Variants in MID1 observed in about 807,000 individuals in gnomAD.
MID1 encodes the protein midline 1.
Under a neutral mutation model 40.4 loss-of-function variants are expected in MID1, and 7 were observed. The ratio of observed to expected loss-of-function variants is 0.17; its 90% CI spans 0.10 to 0.33. The LOEUF (loss-of-function observed/expected upper bound fraction) is 0.33. MID1 is among the 10% of genes least tolerant of loss of function. The probability of loss-of-function intolerance (pLI) is 1.00; values close to 1 mark genes in which losing one functional copy is unlikely to be tolerated. For missense variants in MID1, 367 were observed against 558.5 expected (o/e 0.66, Z 3.46); for synonymous variants, 229 against 221.2 (o/e 1.04, Z -0.31).
At chrX:10,661,974 A>G in intron 1 of MID1, among the ~76,000 whole-genome samples, 1 of 112,242 alleles carries the variant, frequency 8.9e-6, no homozygotes, top group African/African-American at 3.2e-5. Context: ...TGGAGGCATA[A>G]TTGGATCTCA....
At chrX:10,594,475 AT>A (rs1935374401) in intron 1 of MID1, among the ~76,000 whole-genome samples, 1 of 111,628 alleles carries the variant, frequency 9.0e-6, no homozygotes, top group Admixed American at 9.5e-5. Context: ...CCAAACTGGT[AT>A]ACTCAAAATC....
intron 1 of MID1, among the ~76,000 whole-genome samples, chrX:10,640,934 G>A (rs1238924746): frequency 4.5e-5 from 5 of 112,017 alleles, no homozygotes; most frequent in African/African-American, 1.3e-4. Context: ...ATAACGAAAT[G>A]AAGGCAGAAA....
In MID1 at chrX:10,653,055, T is replaced by C. The variant is rs1936333503; in HGVS notation, c.-186-32636A>G. Among the ~76,000 whole-genome samples the C allele has an allele frequency of 2.7e-5, 3 of 111,702 alleles. No homozygotes were observed. The Admixed American group carries it at 2.9e-4, about 11-fold the overall frequency. On this transcript the variant is annotated intron_variant, in intron 1 of 10. Coordinates refer to the MID1 transcript ENST00000380785. The stretch of plus-strand genomic sequence containing the variant: ...TAAACTGAACAAGGGCAGGGACTCA[T>C]TTAATTGACTTTTGTGGCCTCAGCA...
chrX:10,459,449 G>A (rs148027874), intron 8 of MID1, among the ~76,000 whole-genome samples, 197 bp downstream of exon 8: 314 of 112,081 alleles, frequency 2.8e-3, no homozygotes, highest in African/African-American at 9.7e-3. Context: ...ATGGCCTCAC[G>A]GCTGTGAAGG....
chrX:10,526,365 C>T (rs1005813478), intron 2 of MID1, among the ~76,000 whole-genome samples: 4 of 111,040 alleles, frequency 3.6e-5, no homozygotes, highest in African/African-American at 1.3e-4. Flanking sequence ...ATCGCAACTG[C>T]TAATCACTTT....
intron 1 of MID1, among the ~76,000 whole-genome samples, chrX:10,654,155 ATATAGT>A (rs944792051): frequency 3.6e-5 from 4 of 112,016 alleles, no homozygotes; most frequent in African/African-American, 1.3e-4. Context: ...AGAGATACTA[ATATAGT>A]TATAGTTATA....
chrX:10,774,477 C>T (rs1012384915), intron 1 of MID1, among the ~76,000 whole-genome samples: 4 of 109,959 alleles, frequency 3.6e-5, no homozygotes, highest in Non-Finnish European at 7.6e-5. Flanking sequence ...AGGACCCTAA[C>T]CCTATGCTTG....
At chrX:10,450,888 A>T (rs1928287205) in intron 9 of MID1, among the ~76,000 whole-genome samples, 1 of 111,983 alleles carries the variant, frequency 8.9e-6, no homozygotes, top group Admixed American at 9.5e-5. Context: ...AGAGTAAATG[A>T]CTCACAGTTG....
intron 1 of MID1, among the ~76,000 whole-genome samples, chrX:10,576,236 C>T (rs1602426724): frequency 9.0e-6 from 1 of 111,348 alleles, no homozygotes; most frequent in South Asian, 3.8e-4. Flanking sequence ...AAACTGTTAA[C>T]CAAATCTTTT....
chrX:10,597,770 T>C (rs1602455021), intron 1 of MID1, among the ~76,000 whole-genome samples: 1 of 111,887 alleles, frequency 8.9e-6, no homozygotes, highest in East Asian at 2.8e-4. Flanking sequence ...GTTCAGAAGA[T>C]GATTTTTTCC....
chrX:10,815,557 G>A (rs1198074804), intron 1 of MID1, among the ~76,000 whole-genome samples: 2 of 112,308 alleles, frequency 1.8e-5, no homozygotes, highest in Non-Finnish European at 3.8e-5. Context: ...CTCACAGCAT[G>A]GGCAAGTGAC....
intron 1 of MID1, among the ~76,000 whole-genome samples, chrX:10,807,546 A>C (rs752611112): frequency 1.3e-4 from 15 of 111,646 alleles, no homozygotes; most frequent in Admixed American, 2.9e-4. Flanking sequence ...TGTAGGACTG[A>C]GGTCTTCATT....
intron 2 of MID1, among the ~76,000 whole-genome samples, chrX:10,529,750 A>G (rs773369206): frequency 8.9e-6 from 1 of 111,923 alleles, no homozygotes; most frequent in East Asian, 2.8e-4. Flanking sequence ...TCTACCAGCA[A>G]AAAGAGAGTA....
chrX:10,823,050 T>A (rs941000468), intron 1 of MID1, among the ~76,000 whole-genome samples: 3 of 111,601 alleles, frequency 2.7e-5, no homozygotes, highest in Non-Finnish European at 5.6e-5. Flanking sequence ...CTATTCACAA[T>A]AGCAAAGACA....
chrX:10,480,834 C>T (rs771651050), intron 5 of MID1, among the ~76,000 whole-genome samples: 2 of 111,740 alleles, frequency 1.8e-5, no homozygotes, highest in Non-Finnish European at 3.8e-5. Flanking sequence ...GCCGATTGGA[C>T]AGTAGACCAG....
intron 1 of MID1, among the ~76,000 whole-genome samples, chrX:10,635,299 G>C (rs1936097389): frequency 9.0e-6 from 1 of 111,710 alleles, no homozygotes; most frequent in African/African-American, 3.2e-5. Flanking sequence ...CCAATATTAA[G>C]AATCTTTACC....
chrX:10,638,267 C>T (rs910587335), intron 1 of MID1, among the ~76,000 whole-genome samples: 8 of 111,730 alleles, frequency 7.2e-5, no homozygotes, highest in Admixed American at 3.8e-4. Flanking sequence ...AAAGGGAAGC[C>T]GTGACAGACA....
At chrX:10,700,144 T>A (rs753548273) in intron 1 of MID1, among the ~76,000 whole-genome samples, 106 of 111,386 alleles carry the variant, frequency 9.5e-4, no homozygotes, top group Non-Finnish European at 7.0e-4. Flanking sequence ...TTAATAAAGT[T>A]TTACTGTAAT....
intron 1 of MID1, among the ~76,000 whole-genome samples, chrX:10,668,817 C>A (rs1458177006): frequency 8.9e-6 from 1 of 112,507 alleles, no homozygotes; most frequent in Non-Finnish European, 1.9e-5. Flanking sequence ...AATAATTTTT[C>A]ATTAAGGGCT....
Sources: allele counts gnomAD v4.1 joint callset (sites outside exome capture counted in the v4.1 genomes callset), GRCh38; gene constraint gnomAD v4.1.1; transcripts MANE v1.5; gene names NCBI Gene and HGNC (gene_info 2026-07-23, HGNC 2026-07-21).